Variants in SCFD2 observed in about 807,000 individuals in gnomAD.
SCFD2 encodes sec1 family domain containing 2.
SCFD2 carries 54 observed loss-of-function variants against 58.9 expected under a neutral mutation model. That is an observed-to-expected ratio of 0.92 (90% CI 0.74 to 1.15). SCFD2 has a LOEUF of 1.15. SCFD2 is among the 50% of genes most tolerant of loss of function. The probability of loss-of-function intolerance (pLI) is 0.00; values close to 1 mark genes in which losing one functional copy is unlikely to be tolerated. For synonymous variants in SCFD2, 321 were observed against 335.9 expected, an observed-to-expected ratio of 0.96 and a Z score of 0.49; for missense variants, 805 against 836.6, an observed-to-expected ratio of 0.96 and a Z score of 0.47.
intron 4 of SCFD2, among the ~76,000 whole-genome samples, chr4:53,220,478 T>A (rs1301922983): frequency 6.6e-6 from 1 of 152,256 alleles, no homozygotes; most frequent in African/African-American, 2.4e-5. Context: ...CAATAATTAT[T>A]TGTTGAAATA....
chr4:53,358,749 G>C (rs1266876503), intron 1 of SCFD2, among the ~76,000 whole-genome samples: 1 of 152,174 alleles, frequency 6.6e-6, no homozygotes, highest in Non-Finnish European at 1.5e-5. Flanking sequence ...AGGAATTCAT[G>C]AATCAAGTCT....
At chr4:53,249,850 C>A (rs1189644379) in intron 4 of SCFD2, among the ~76,000 whole-genome samples, 1 of 152,190 alleles carries the variant, frequency 6.6e-6, no homozygotes, top group African/African-American at 2.4e-5. Flanking sequence ...AAAATCATGA[C>A]AAATTGTAAA....
chr4:53,289,080 T>TCTGAC (rs1314477440), intron 3 of SCFD2, among the ~76,000 whole-genome samples: 1 of 152,156 alleles, frequency 6.6e-6, no homozygotes, highest in Admixed American at 6.5e-5. Flanking sequence ...AAATAAATGG[T>TCTGAC]CTGACTGGGC....
intron 5 of SCFD2, among the ~76,000 whole-genome samples, chr4:53,125,372 C>T (rs541490679): frequency 7.9e-5 from 12 of 152,268 alleles, no homozygotes; most frequent in African/African-American, 2.9e-4. Context: ...GAGATCATTT[C>T]GGTTATAATA....
intron 5 of SCFD2, among the ~76,000 whole-genome samples, chr4:53,066,947 C>G (rs1270793276): frequency 6.6e-6 from 1 of 152,046 alleles, no homozygotes; most frequent in East Asian, 1.9e-4. Flanking sequence ...GCTGATGATG[C>G]TCATTCCTGC....
intron 3 of SCFD2, among the ~76,000 whole-genome samples, chr4:53,302,657 A>T (rs546805656): frequency 1.1e-4 from 17 of 152,332 alleles, no homozygotes; most frequent in Non-Finnish European, 2.4e-4. Context: ...ATCCTAAGCC[A>T]AAAGAACAAA....
intron 4 of SCFD2, among the ~76,000 whole-genome samples, chr4:53,160,324 T>C (rs2148926433): frequency 6.6e-6 from 1 of 152,300 alleles, no homozygotes; most frequent in African/African-American, 2.4e-5. Flanking sequence ...GACAAGGGTA[T>C]AGGCAGGGAG....
At chr4:53,017,976 G>A (rs1170096049) in intron 5 of SCFD2, among the ~76,000 whole-genome samples, 1 of 152,182 alleles carries the variant, frequency 6.6e-6, no homozygotes, top group Non-Finnish European at 1.5e-5. Flanking sequence ...ATATAGAACA[G>A]CACACTGCTA....
intron 5 of SCFD2, among the ~76,000 whole-genome samples, chr4:53,003,783 T>A (rs772485964): frequency 2.6e-5 from 4 of 152,162 alleles, no homozygotes; most frequent in Non-Finnish European, 4.4e-5. Context: ...TTGCTACAAC[T>A]CTAAGGAGGA....
At chr4:53,195,165 G>A (rs568283220) in intron 4 of SCFD2, among the ~76,000 whole-genome samples, 12 of 152,180 alleles carry the variant, frequency 7.9e-5, no homozygotes, top group African/African-American at 2.7e-4. Context: ...TCCCAGCTTC[G>A]TCAATTTAAA....
chr4:53,075,331 C>T (rs530039838), intron 5 of SCFD2, among the ~76,000 whole-genome samples: 1 of 152,180 alleles, frequency 6.6e-6, no homozygotes, highest in African/African-American at 2.4e-5. Context: ...ATTTTCTATC[C>T]AGACCACTCA....
At chr4:52,890,890 G>A (rs2411281) in intron 7 of SCFD2, among the ~76,000 whole-genome samples, 31,180 of 151,926 alleles carry the variant, frequency 0.21, 3,269 homozygotes, top group East Asian at 0.27. Context: ...GTTTCTAGGC[G>A]CCCTCTAAGA....
At chr4:53,325,848 G>A (rs768003141) in intron 2 of SCFD2, among the ~76,000 whole-genome samples, 2 of 151,814 alleles carry the variant, frequency 1.3e-5, no homozygotes, top group African/African-American at 2.4e-5. Context: ...ACTTTGTCCA[G>A]TTTTTTTTAG....
chr4:52,972,281 G>A (rs985995637), intron 5 of SCFD2, among the ~76,000 whole-genome samples: 3 of 152,108 alleles, frequency 2.0e-5, no homozygotes, highest in African/African-American at 7.2e-5. Context: ...CATCTCATGT[G>A]CAGAGACACA....
intron 5 of SCFD2, among the ~76,000 whole-genome samples, chr4:53,056,126 C>CTTTTTTTTTTTTTTT (rs34952397): frequency 7.3e-6 from 1 of 137,300 alleles, no homozygotes; most frequent in Non-Finnish European, 1.6e-5. Flanking sequence ...TGTAACGTAG[C>CTTTTTTTTTTTTTTT]TTTTTTTTTT....
At chr4:53,356,677 G>A (rs1223081425) in intron 1 of SCFD2, among the ~76,000 whole-genome samples, 1 of 151,578 alleles carries the variant, frequency 6.6e-6, no homozygotes, top group East Asian at 1.9e-4. Flanking sequence ...CCACCACTTT[G>A]GCCTCCCAAA....
chr4:53,032,778 AAT>A (rs947860392), intron 5 of SCFD2, among the ~76,000 whole-genome samples: 2 of 152,168 alleles, frequency 1.3e-5, no homozygotes, highest in African/African-American at 4.8e-5. Context: ...AACTATCCTT[AAT>A]ATATATGCAC....
At chr4:52,898,774 T>A (rs1431809698) in intron 7 of SCFD2, among the ~76,000 whole-genome samples, 2 of 152,162 alleles carry the variant, frequency 1.3e-5, no homozygotes, top group Non-Finnish European at 2.9e-5. Flanking sequence ...CCCACTATTA[T>A]TGTGTGGGAG....
At chr4:53,171,380 A>G (rs1244447924) in intron 4 of SCFD2, among the ~76,000 whole-genome samples, 1 of 152,172 alleles carries the variant, frequency 6.6e-6, no homozygotes, top group Non-Finnish European at 1.5e-5. Flanking sequence ...TTCATTGTGA[A>G]TTATCCTTTT....
Sources: allele counts gnomAD v4.1 joint callset (sites outside exome capture counted in the v4.1 genomes callset), GRCh38; gene constraint gnomAD v4.1.1; transcripts MANE v1.5; gene names NCBI Gene and HGNC (gene_info 2026-07-23, HGNC 2026-07-21).